The following AGAP1 variants were observed in gnomAD, a reference collection of about 807,000 sequenced individuals.
The protein encoded by AGAP1 is arf-GAP with GTPase, ANK repeat and PH domain-containing protein 1.
A neutral mutation model predicts 105.3 loss-of-function variants in AGAP1; 29 were observed. That is an observed-to-expected ratio of 0.28 (90% CI 0.21 to 0.38). The LOEUF (loss-of-function observed/expected upper bound fraction) is 0.38. AGAP1 is among the 10% of genes least tolerant of loss of function. The probability of loss-of-function intolerance (pLI) is 1.00; values close to 1 mark genes in which losing one functional copy is unlikely to be tolerated. For synonymous variants in AGAP1, 509 were observed against 485.9 expected, an observed-to-expected ratio of 1.05 and a Z score of -0.63; for missense variants, 998 against 1,165.1, an observed-to-expected ratio of 0.86 and a Z score of 2.09.
chr2:235,912,077 G>A (rs187684802), intron 11 of AGAP1, among the ~76,000 whole-genome samples: 2 of 152,346 alleles, frequency 1.3e-5, no homozygotes, highest in East Asian at 3.9e-4. Context: ...TCATTCTTGG[G>A]TTCTGAGAAT....
At chr2:235,749,003 G>A (rs953904484) in intron 5 of AGAP1, among the ~76,000 whole-genome samples, 2 of 152,186 alleles carry the variant, frequency 1.3e-5, no homozygotes, top group African/African-American at 4.8e-5. Flanking sequence ...GAGGCCAGGA[G>A]TTGAGACCAG....
Position 235,728,228 on chromosome 2 carries a change from G to A in AGAP1, c.310+10584G>A. Among the ~76,000 whole-genome samples, 1 of 152,000 alleles carries A rather than the reference G, an allele frequency of 6.6e-6. No individual in the cohort carries two copies. The highest frequency in any genetic ancestry group is 2.1e-4 in the South Asian group (1 of 4,810). On this transcript the variant is annotated intron_variant, in intron 3 of 17. Transcript: ENST00000304032. This position sits in a 1 kb window ranked among gnomAD's most constrained non-coding sequence, Gnocchi z 4.3. ...GGAGAATCTGAGATGTAGTGAAAGT[G>A]CCCCCAAGCTCCCCGCTCCATTTCA...
chr2:235,659,616 G>A lies in AGAP1; in HGVS notation c.164-49563G>A, dbSNP rs1373324618. On this transcript the variant is annotated intron_variant, in intron 1 of 17. Coordinates refer to ENST00000304032, the MANE Select transcript of AGAP1 (RefSeq NM_001037131.3). The surrounding 1 kb of genome is among the most constrained non-coding windows in gnomAD (Gnocchi z 5.0). Reference sequence around the variant, plus strand: ...TGAAGCATAGCAACCATTACTTTGAGAACCTGTGCAGGTCCAGGTGCCGAG... The same window carrying A: ...TGAAGCATAGCAACCATTACTTTGAAAACCTGTGCAGGTCCAGGTGCCGAG... Among the ~76,000 whole-genome samples, 7 of 152,186 alleles carry A rather than the reference G, an allele frequency of 4.6e-5. No homozygotes were observed. The highest frequency in any genetic ancestry group is 4.6e-4 in the Admixed American group (7 of 15,288).
intron 9 of AGAP1, among the ~76,000 whole-genome samples, chr2:235,850,485 C>T (rs970415028): frequency 6.6e-6 from 1 of 152,216 alleles, no homozygotes; most frequent in Non-Finnish European, 1.5e-5. Flanking sequence ...CCGGCTGGCT[C>T]TGCCACCCCG....
Position 235,769,330 on chromosome 2 carries a change from C to T in AGAP1, c.673+18842C>T, listed in dbSNP as rs993509081. On this transcript the variant is annotated intron_variant, in intron 6 of 17. Coordinates refer to ENST00000304032, the MANE Select transcript of AGAP1 (RefSeq NM_001037131.3). This position sits in a 1 kb window ranked among gnomAD's most constrained non-coding sequence, Gnocchi z 4.4. ...GGGCTGCTGAGTGGGGCGTGCCCAA[C>T]TCTTTCTGCTTTGAGTTTTCTTTTT... Among the ~76,000 whole-genome samples, 1 of 152,246 alleles carries T rather than the reference C, an allele frequency of 6.6e-6. No individual in the cohort carries two copies. Among genetic ancestry groups the T allele is most frequent in the African/African-American group, 2.4e-5 (1 of 41,476 alleles).
chr2:235,936,021 G>T lies in AGAP1; in HGVS notation c.1483+5098G>T, dbSNP rs1471433164. On this transcript the variant is annotated intron_variant, in intron 12 of 17. Coordinates refer to ENST00000304032, the MANE Select transcript of AGAP1 (RefSeq NM_001037131.3). This position sits in a 1 kb window ranked among gnomAD's most constrained non-coding sequence, Gnocchi z 4.7. ...CTGCCTGGGCCAGCCTCGTCGGGTGGTCTCAGCTAATGCTGTTGCCATGGC... is the reference window on the plus strand; with the variant it reads ...CTGCCTGGGCCAGCCTCGTCGGGTGTTCTCAGCTAATGCTGTTGCCATGGC... Among the ~76,000 whole-genome samples the T allele has an allele frequency of 6.6e-6, 1 of 152,160 alleles. No individual in the cohort carries two copies. Among genetic ancestry groups the T allele is most frequent in the Non-Finnish European group, 1.5e-5 (1 of 68,020 alleles).
In AGAP1 at chr2:235,825,482, G is replaced by A. The variant is rs578202070; in HGVS notation, c.1050+18151G>A. On this transcript the variant is annotated intron_variant, in intron 9 of 17. Coordinates refer to ENST00000304032, the MANE Select transcript of AGAP1 (RefSeq NM_001037131.3). ...GTTATTTTTTTCTATTGCCCTTCCC[G>A]TGATCACTTATGCATATAAATATCA... is the stretch of plus-strand genomic sequence containing the variant. Among the ~76,000 whole-genome samples, 25 of 152,112 alleles carry A rather than the reference G, an allele frequency of 1.6e-4. No individual in the cohort carries two copies. The South Asian group carries it at 2.1e-3, about 13-fold the overall frequency.
chr2:235,961,620 G>C lies in AGAP1; in HGVS notation c.1484-6842G>C, dbSNP rs941568988. ...AGGGAGAGTTGTGTTAAAAATGTGAGATGACAGGGCCGGGCGTGGTGGCTC... is the reference window on the plus strand; with the variant it reads ...AGGGAGAGTTGTGTTAAAAATGTGACATGACAGGGCCGGGCGTGGTGGCTC... On this transcript the variant is annotated intron_variant, in intron 12 of 17. Coordinates refer to ENST00000304032, the MANE Select transcript of AGAP1 (RefSeq NM_001037131.3). The surrounding 1 kb of genome is among the most constrained non-coding windows in gnomAD (Gnocchi z 5.9). Among the ~76,000 whole-genome samples, 1 of 152,180 alleles carries C rather than the reference G, an allele frequency of 6.6e-6. No individual in the cohort carries two copies. The highest frequency in any genetic ancestry group is 2.1e-4 in the South Asian group (1 of 4,818).
chr2:235,944,985 G>A (rs760429069), intron 12 of AGAP1, among the ~76,000 whole-genome samples: 1 of 152,202 alleles, frequency 6.6e-6, no homozygotes, highest in Non-Finnish European at 1.5e-5. Flanking sequence ...AAAGGTTATT[G>A]ATCAAATCTT....
At chr2:235,907,594 C>G (rs985176967) in intron 10 of AGAP1, among the ~76,000 whole-genome samples, 4 of 152,176 alleles carry the variant, frequency 2.6e-5, no homozygotes, top group African/African-American at 9.7e-5. Context: ...AGTCTTAAAA[C>G]ACTTGAAATG....
At chr2:235,522,207 G>A (rs1466786830) in intron 1 of AGAP1, among the ~76,000 whole-genome samples, 2 of 152,170 alleles carry the variant, frequency 1.3e-5, no homozygotes, top group Non-Finnish European at 2.9e-5. Context: ...CCTGGGCCAG[G>A]CTCTGTTAGA....
At chr2:235,567,409 T>G (rs1944381271) in intron 1 of AGAP1, among the ~76,000 whole-genome samples, 1 of 152,168 alleles carries the variant, frequency 6.6e-6, no homozygotes, top group Non-Finnish European at 1.5e-5. Context: ...TGGGCGTCAT[T>G]TAGCTTGAGC....
chr2:235,807,337 C>A lies in AGAP1; in HGVS notation c.1050+6C>A. On this transcript the variant is annotated splice_donor_region_variant and intron_variant, in intron 9 of 17. Coordinates refer to ENST00000304032, the MANE Select transcript of AGAP1 (RefSeq NM_001037131.3). ...GAGCCATCCCAATTAAACAGGTGAG[C>A]AGCCTCCCCATCCTTCCCTCCCTGT... 6.3e-7 allele frequency: 1 copy of A among 1,581,810 alleles called. No individual in the cohort carries two copies. The highest frequency in any genetic ancestry group is 8.5e-7 in the Non-Finnish European group (1 of 1,170,552).
chr2:235,835,622 G>T (rs1361879111), intron 9 of AGAP1, among the ~76,000 whole-genome samples: 1 of 152,204 alleles, frequency 6.6e-6, no homozygotes, highest in Non-Finnish European at 1.5e-5. Context: ...GAGGACAAGG[G>T]GTTCATATCT....
intron 12 of AGAP1, among the ~76,000 whole-genome samples, chr2:235,946,297 T>C (rs1009446335): frequency 3.4e-5 from 5 of 148,988 alleles, no homozygotes; most frequent in Admixed American, 1.3e-4. Flanking sequence ...TTTTTTTTTT[T>C]TTTTTTGAGA....
intron 1 of AGAP1, among the ~76,000 whole-genome samples, chr2:235,532,415 C>T (rs1943074774): frequency 6.6e-6 from 1 of 152,132 alleles, no homozygotes; most frequent in African/African-American, 2.4e-5. Flanking sequence ...GGGGTTTCAC[C>T]CAGAATGGTG....
chr2:235,778,847 G>A (rs1483829235), intron 6 of AGAP1, among the ~76,000 whole-genome samples: 1 of 152,122 alleles, frequency 6.6e-6, no homozygotes, highest in Non-Finnish European at 1.5e-5. Flanking sequence ...ATGCCAGCCC[G>A]GGCACCACAT....
At position 235,716,367 on chromosome 2, in the gene AGAP1, C is replaced by T. The variant is rs1027120980; in HGVS notation, c.223-1190C>T. Among the ~76,000 whole-genome samples the T allele has an allele frequency of 2.0e-5, 3 of 152,196 alleles. No individual in the cohort carries two copies. The highest frequency in any genetic ancestry group is 2.1e-4 in the South Asian group (1 of 4,808). On this transcript the variant is annotated intron_variant, in intron 2 of 17. Transcript: ENST00000304032. This position sits in a 1 kb window ranked among gnomAD's most constrained non-coding sequence, Gnocchi z 4.0. ...TGCTGGTGATGGGGCCAGGTCAGAG[C>T]GAGACAGGCTAGTGGCTTTGAAATG...
chr2:236,012,310 T>G lies in AGAP1; in HGVS notation c.1646-24251T>G, dbSNP rs943792735. Among the ~76,000 whole-genome samples the G allele has an allele frequency of 3.3e-5, 5 of 151,940 alleles. No individual in the cohort carries two copies. Among genetic ancestry groups the G allele is most frequent in the African/African-American group, 1.2e-4 (5 of 41,270 alleles). The stretch of plus-strand genomic sequence containing the variant: ...CTCCCGAGGGGTGCCCAGCCTCCAT[T>G]CTGCCTATTTATATGTAAATATTGC... On this transcript the variant is annotated intron_variant, in intron 13 of 17. Coordinates refer to ENST00000304032, the MANE Select transcript of AGAP1 (RefSeq NM_001037131.3). The surrounding 1 kb of genome is among the most constrained non-coding windows in gnomAD (Gnocchi z 4.9).
Sources: gnomAD v4.1 joint callset for allele counts (sites outside exome capture counted in the v4.1 genomes callset) on GRCh38, gnomAD v4.1.1 for gene constraint, Gnocchi (gnomAD v3.1) non-coding constraint, MANE v1.5 for transcripts, NCBI Gene and HGNC (gene_info 2026-07-23, HGNC 2026-07-21) for gene names.